The following CPSF7 variants were observed in gnomAD, a reference collection of about 807,000 sequenced individuals.
The protein encoded by CPSF7 is cleavage and polyadenylation specificity factor subunit 7.
In CPSF7, 1 loss-of-function variant was observed where a neutral mutation model predicts 44.3. That is an observed-to-expected ratio of 0.02 (90% confidence interval 0.01 to 0.11). The LOEUF is 0.11. Ranked by LOEUF, CPSF7 falls within the 10% of genes least tolerant of loss-of-function variation. The probability of loss-of-function intolerance (pLI) is 1.00; values close to 1 mark genes in which losing one functional copy is unlikely to be tolerated. For missense variants in CPSF7, 443 were observed against 607.2 expected (o/e 0.73, Z 2.84); for synonymous variants, 202 against 222.0 (o/e 0.91, Z 0.80).
intron 5 of CPSF7, among the ~76,000 whole-genome samples, chr11:61,419,197 T>A (rs535911792): frequency 6.6e-6 from 1 of 152,180 alleles, no homozygotes; most frequent in African/African-American, 2.4e-5. Flanking sequence ...CTAATTTTTG[T>A]ATTCTTAGTA....
intron 5 of CPSF7, among the ~76,000 whole-genome samples, chr11:61,419,739 C>T (rs1297933554): frequency 6.6e-6 from 1 of 152,178 alleles, no homozygotes; most frequent in East Asian, 1.9e-4. Flanking sequence ...CCTGAACCTA[C>T]TTGACTCCCA....
Position 61,416,290 on chromosome 11 carries a change from A to G in CPSF7, c.753T>C (p.Gly251=). The G allele has an allele frequency of 6.5e-7, 1 of 1,540,684 alleles. No homozygotes were observed. The highest frequency in any genetic ancestry group is 8.7e-7 in the Non-Finnish European group (1 of 1,143,900). ...GGGGCATGAGATGCTGGTAGTGGAT[A>G]CCAGGAGGAGGAGGAGGGACCCCAA... The part of the protein sequence containing the change: ...SSFGVPPPPP[G]IHYQHLMPPP... Residue 251 remains glycine (G), a synonymous_variant, in exon 6 of 10, where the codon GGT becomes GGC. Coordinates refer to ENST00000439958, the MANE Select transcript of CPSF7 (RefSeq NM_001142565.3).
intron 7 of CPSF7, among the ~76,000 whole-genome samples, chr11:61,414,760 C>T (rs1327050505): frequency 4.6e-5 from 7 of 152,180 alleles, no homozygotes; most frequent in Non-Finnish European, 1.0e-4. Flanking sequence ...AACTAAAGAT[C>T]TTATGCTCAG....
chr11:61,406,069 C>CAT (rs1020498702), intron 9 of CPSF7: 11 of 152,280 alleles, frequency 7.2e-5, no homozygotes, highest in African/African-American at 2.6e-4. Flanking sequence ...AGATAACTGA[C>CAT]ATAGTTGAGA....
chr11:61,417,183 C>T (rs1397537673), intron 5 of CPSF7, among the ~76,000 whole-genome samples: 1 of 152,136 alleles, frequency 6.6e-6, no homozygotes, highest in African/African-American at 2.4e-5. Context: ...GCAGATAGCA[C>T]ACAGCTGACA....
intron 7 of CPSF7, among the ~76,000 whole-genome samples, chr11:61,414,237 C>T (rs962670725): frequency 3.3e-5 from 5 of 150,240 alleles, no homozygotes; most frequent in East Asian, 2.0e-4. Context: ...ACAACCTCCA[C>T]GCCCTGGGTT....
In CPSF7 at chr11:61,421,059, T is replaced by C. The variant is rs752658701; in HGVS notation, c.273+331A>G. 4.5e-6 allele frequency: 6 copies of C among 1,341,888 alleles called. No individual in the cohort carries two copies. In the East Asian group the frequency reaches 2.2e-4, roughly 50 times the overall value. 83.1% of individuals were successfully genotyped at this position (1,341,888 alleles called of 1,614,324 possible). On this transcript the variant is annotated intron_variant, in intron 3 of 9. Transcript: ENST00000439958. ...CTTTAATCCCCATCACCCACCATTA[T>C]CACAGGACCATCTAATGACCACCAA...
chr11:61,429,415 C>A (rs1861723578), intron 1 of CPSF7, 125 bp from the exon 2 acceptor site: 1 of 588,434 alleles, frequency 1.7e-6, no homozygotes, highest in African/African-American at 1.9e-5. Context: ...TCGGCCCCAC[C>A]CGCTCCGCCC....
rs1021410826 is a variant in CPSF7, at chr11:61,404,546, G to A, written c.*164C>T. The A allele has an allele frequency of 2.0e-5, 3 of 152,586 alleles. No individual in the cohort carries two copies. The South Asian group carries it at 6.2e-4, about 32-fold the overall frequency. 9.5% of individuals were successfully genotyped at this position (152,586 alleles called of 1,614,324 possible). A position where few individuals can be genotyped will look rare whatever the true frequency, so the allele number is the denominator to read the frequency against. On this transcript the variant is annotated 3_prime_UTR_variant, in exon 10 of 10. Transcript: ENST00000439958. ...GTGGGATTGGGAGGACTGCCAAGCA[G>A]TCTTCAATCCTGTGGGGCAGAGGGT...
rs552252814 is a variant in CPSF7 at position 61,416,425 on chromosome 11, C to T, written c.618G>A (p.Val206=). Residue 206 remains valine (V), a synonymous_variant, in exon 6 of 10, where the codon GTG becomes GTA. Coordinates refer to ENST00000439958, the MANE Select transcript of CPSF7 (RefSeq NM_001142565.3). The part of the protein sequence containing the change: ...SENLVPSSAR[V]DKPPSVLPYF... ...AGGGCAGCACACTGGGGGGCTTATC[C>T]ACACGAGCAGATGAGGGTACAAGGT... 2.4e-5 allele frequency: 39 copies of T among 1,614,030 alleles called. No homozygotes were observed. The South Asian group carries it at 4.2e-4, about 17-fold the overall frequency.
rs1860272543 is a variant in CPSF7 at position 61,415,795 on chromosome 11, A to G, written c.939-11T>C. 5.2e-6 allele frequency: 8 copies of G among 1,540,016 alleles called. No homozygotes were observed. The highest frequency in any genetic ancestry group is 7.2e-6 in the Non-Finnish European group (8 of 1,112,648). ...GGGCCCGAATCTCGGCTGTACAGAG[A>G]AAATACCATCCTTGATTGCTCACAT... On this transcript the variant is annotated splice_polypyrimidine_tract_variant and intron_variant, in intron 6 of 9. Transcript: ENST00000439958.
chr11:61,416,473 A>G lies in CPSF7; in HGVS notation c.570T>C (p.Asp190=). The G allele has an allele frequency of 6.2e-7, 1 of 1,614,172 alleles. No homozygotes were observed. The highest frequency in any genetic ancestry group is 2.2e-5 in the East Asian group (1 of 44,884). The change falls in exon 6 of 10, where the codon GAT becomes GAC. Residue 190 remains aspartate (D), a synonymous_variant. Transcript: ENST00000439958. The part of the protein sequence containing the change: ...AHSRDSSDSA[D]GRATPSENLV... ...GGTTCTCAGAGGGTGTGGCCCGTCC[A>G]TCAGCAGAATCACTAGAATCTCGGG...
At chr11:61,417,485 T>TG (rs968263964) in intron 5 of CPSF7, among the ~76,000 whole-genome samples, 6 of 152,154 alleles carry the variant, frequency 3.9e-5, no homozygotes, top group South Asian at 2.1e-4. Context: ...CACATGGCTT[T>TG]GGGGGGGTCT....
chr11:61,407,156 G>A (rs749738298), intron 9 of CPSF7, among the ~76,000 whole-genome samples: 12 of 152,220 alleles, frequency 7.9e-5, no homozygotes, highest in Non-Finnish European at 1.6e-4. Context: ...TGCTGGATCA[G>A]TGGATCTCGC....
rs546310668 is a variant in CPSF7 at position 61,405,169 on chromosome 11, C to T, written c.*6-465G>A. ...AATGGGAGGTTTAGTGGTAAGAAAA[C>T]AAGTATGTACACAACCAAATCCATT... On this transcript the variant is annotated intron_variant, in intron 9 of 9. Coordinates refer to ENST00000439958, the MANE Select transcript of CPSF7 (RefSeq NM_001142565.3). Among the ~76,000 whole-genome samples the T allele has an allele frequency of 5.1e-4, 77 of 152,200 alleles. No individual in the cohort carries two copies. In the South Asian group the frequency reaches 0.016, roughly 32 times the overall value.
rs1421153540 is a variant in CPSF7 at position 61,416,303 on chromosome 11, G to A, written c.740C>T (p.Pro247Leu). The A allele has an allele frequency of 1.3e-6, 2 of 1,554,008 alleles. 1 individual carries two copies. The highest frequency in any genetic ancestry group is 2.4e-5 in the South Asian group (2 of 81,696). ...CTGGTAGTGGATACCAGGAGGAGGA[G>A]GAGGGACCCCAAAGCTTGAGGAGAG... ...PPLSSSFGVP[P>L]PPPGIHYQHL... Residue 247 changes from proline (P) to leucine (L), a missense_variant, in exon 6 of 10, where the codon CCT becomes CTT. Transcript: ENST00000439958.
intron 2 of CPSF7, 106 bp downstream of exon 2, chr11:61,429,076 G>A (rs1861672823): frequency 9.1e-6 from 6 of 656,100 alleles, no homozygotes; most frequent in African/African-American, 1.8e-5. Flanking sequence ...CCGGATAGAC[G>A]CGTGTTCAAG....
intron 5 of CPSF7, 168 bp downstream of exon 5, chr11:61,419,781 T>C: frequency 1.3e-6 from 1 of 775,472 alleles, no homozygotes; most frequent in Admixed American, 2.5e-5. Context: ...ATAGACCTAT[T>C]CTGAGGACTA....
intron 5 of CPSF7, among the ~76,000 whole-genome samples, chr11:61,417,685 T>C (rs896830): frequency 0.12 from 17,710 of 152,212 alleles, 3,421 homozygotes; most frequent in African/African-American, 0.4. Context: ...ACATGGCAAC[T>C]GGCTCTTTCC....
Sources: allele counts gnomAD v4.1 joint callset (sites outside exome capture counted in the v4.1 genomes callset), GRCh38; gene constraint gnomAD v4.1.1; transcripts MANE v1.5; gene names NCBI Gene and HGNC (gene_info 2026-07-23, HGNC 2026-07-21).